CRAMP1: variants seen among roughly 807,000 people sequenced by gnomAD.
The protein encoded by CRAMP1 is cramped chromatin regulator 1.
CRAMP1 carries 50 observed loss-of-function variants against 115.4 expected under a neutral mutation model. The observed-to-expected ratio is 0.43, with a 90% CI of 0.35 to 0.55. The LOEUF is 0.55. Among genes scored for constraint, CRAMP1 ranks in the 20% least tolerant of loss-of-function variants. The pLI, the probability that CRAMP1 is intolerant of heterozygous loss-of-function variation, is 0.01. For missense variants in CRAMP1, 1,679 were observed against 1,721.7 expected, an observed-to-expected ratio of 0.98 and a Z score of 0.44; for synonymous variants, 866 against 745.4, an observed-to-expected ratio of 1.16 and a Z score of -2.64.
intron 10 of CRAMP1, among the ~76,000 whole-genome samples, chr16:1,659,111 T>G (rs929932360): frequency 6.6e-6 from 1 of 152,202 alleles, no homozygotes; most frequent in Non-Finnish European, 1.5e-5. Context: ...TCTTCAGCTG[T>G]GCTTGTGTCT....
At chr16:1,621,161 G>C (rs950595454) in intron 2 of CRAMP1, among the ~76,000 whole-genome samples, 1 of 152,188 alleles carries the variant, frequency 6.6e-6, no homozygotes, top group African/African-American at 2.4e-5. Flanking sequence ...GAAAGATATG[G>C]ATACTTTTTC....
Position 1,656,181 on chromosome 16 carries a change from G to A in CRAMP1, c.1424G>A (p.Arg475Gln), listed in dbSNP as rs1261839673. The change falls in exon 10 of 21, where the codon CGG (arginine) becomes CAG (glutamine). Residue 475 changes from arginine to glutamine, a missense_variant. Transcript: ENST00000397412. The surrounding 1 kb of genome is among the most constrained non-coding windows in gnomAD (Gnocchi z 5.6). ...GGAGCTGAGGGCAAGGGTGTGGGGCGGCCCCCTCCTGCGGCTGACGCCTTG... is the reference window on the plus strand; with the variant it reads ...GGAGCTGAGGGCAAGGGTGTGGGGCAGCCCCCTCCTGCGGCTGACGCCTTG... The part of the protein sequence containing the change: ...RSGAEGKGVG[R>Q]PPPAADALQS... 2.5e-6 allele frequency: 4 copies of A among 1,602,336 alleles called. No individual in the cohort carries two copies. The highest frequency in any genetic ancestry group is 1.1e-5 in the South Asian group (1 of 90,612).
intron 1 of CRAMP1, among the ~76,000 whole-genome samples, 74 bp downstream of exon 1, chr16:1,612,731 C>T (rs1274093978): frequency 6.6e-6 from 1 of 151,478 alleles, no homozygotes; most frequent in East Asian, 2.0e-4. Context: ...CGCGGGAGAG[C>T]GCGGGGGGGG....
intron 13 of CRAMP1, 118 bp downstream of exon 13, chr16:1,662,953 T>C: frequency 2.8e-6 from 2 of 722,686 alleles, no homozygotes; most frequent in South Asian, 1.8e-5. Flanking sequence ...TGCCCCTTCC[T>C]TCCCTCTTGT....
chr16:1,663,368 A>T (rs2036848875), intron 13 of CRAMP1, among the ~76,000 whole-genome samples: 1 of 152,180 alleles, frequency 6.6e-6, no homozygotes, highest in African/African-American at 2.4e-5. Context: ...GTTATTTTGG[A>T]TTCATGCACA....
At chr16:1,661,573 C>T (rs1390639523) in intron 11 of CRAMP1, among the ~76,000 whole-genome samples, 2 of 151,220 alleles carry the variant, frequency 1.3e-5, no homozygotes, top group African/African-American at 2.4e-5. Context: ...TGAGAGGGGG[C>T]CAGTCCCTAC....
chr16:1,677,499 C>T lies in CRAMP1; in HGVS notation c.*3454C>T, dbSNP rs1458755914. 1 of 152,508 alleles carries T rather than the reference C, an allele frequency of 6.6e-6. No homozygotes were observed. Among genetic ancestry groups the T allele is most frequent in the Non-Finnish European group, 1.5e-5 (1 of 68,078 alleles). 9.4% of individuals were successfully genotyped at this position (152,508 alleles called of 1,614,324 possible). A position where few individuals can be genotyped will look rare whatever the true frequency, so the allele number is the denominator to read the frequency against. On this transcript the variant is annotated 3_prime_UTR_variant, in exon 21 of 21. Coordinates refer to ENST00000397412, the MANE Select transcript of CRAMP1 (RefSeq NM_020825.4). ...ATTTACAACGAAGGAAAAAAACCCACAGCACACCCTTCGCGGCTGTCAGCG... is the reference window on the plus strand; with the variant it reads ...ATTTACAACGAAGGAAAAAAACCCATAGCACACCCTTCGCGGCTGTCAGCG...
In CRAMP1 at chr16:1,668,548, G is replaced by C. The variant is rs906550382; in HGVS notation, c.3334+355G>C. On this transcript the variant is annotated intron_variant, in intron 18 of 20. Coordinates refer to ENST00000397412, the MANE Select transcript of CRAMP1 (RefSeq NM_020825.4). ...TTGTGAAGCAGTTGGGCTGGGCCCTGTGGGCTTTGGTCTCACCTGCTGTCT... is the reference window on the plus strand; with the variant it reads ...TTGTGAAGCAGTTGGGCTGGGCCCTCTGGGCTTTGGTCTCACCTGCTGTCT... Among the ~76,000 whole-genome samples the C allele has an allele frequency of 7.9e-5, 12 of 152,224 alleles. 1 individual carries two copies. Among genetic ancestry groups the C allele is most frequent in the African/African-American group, 1.7e-4 (7 of 41,458 alleles).
chr16:1,635,536 C>T (rs368079310), intron 4 of CRAMP1, among the ~76,000 whole-genome samples: 109 of 152,326 alleles, frequency 7.2e-4, no homozygotes, highest in African/African-American at 2.3e-3. Flanking sequence ...GGACACCTCC[C>T]GGAAGCCCTG....
At chr16:1,646,667 GAAGTC>G (rs1394154087) in intron 6 of CRAMP1, among the ~76,000 whole-genome samples, 1 of 152,210 alleles carries the variant, frequency 6.6e-6, no homozygotes, top group Non-Finnish European at 1.5e-5. Context: ...TCGCTTTGAT[GAAGTC>G]AAGTCTGTCA....
chr16:1,668,744 G>T (rs966992668), intron 18 of CRAMP1, among the ~76,000 whole-genome samples: 1 of 152,192 alleles, frequency 6.6e-6, no homozygotes, highest in African/African-American at 2.4e-5. Flanking sequence ...AGCTCCTAGG[G>T]CTGCTGTGGG....
intron 17 of CRAMP1, 153 bp downstream of exon 17, chr16:1,667,553 A>T: frequency 1.5e-6 from 1 of 663,564 alleles, no homozygotes; most frequent in Non-Finnish European, 2.7e-6. Context: ...CCGACTGCCC[A>T]GGGTGGATAA....
chr16:1,643,948 T>C (rs1048018786), intron 6 of CRAMP1, among the ~76,000 whole-genome samples: 4 of 152,228 alleles, frequency 2.6e-5, no homozygotes, highest in Non-Finnish European at 2.9e-5. Context: ...ATGGCAAGAT[T>C]GATTGTCCTT....
chr16:1,640,513 T>A (rs1010171288), intron 5 of CRAMP1, among the ~76,000 whole-genome samples: 1 of 152,230 alleles, frequency 6.6e-6, no homozygotes, highest in African/African-American at 2.4e-5. Flanking sequence ...CAAAGAATTT[T>A]ACAGTGAACA....
At chr16:1,639,389 C>G (rs1377475884) in intron 5 of CRAMP1, among the ~76,000 whole-genome samples, 2 of 150,552 alleles carry the variant, frequency 1.3e-5, no homozygotes, top group South Asian at 2.1e-4. Context: ...AAGTTTCCCC[C>G]TCTAGAGGGG....
At chr16:1,635,278 A>G (rs1400628954) in intron 4 of CRAMP1, among the ~76,000 whole-genome samples, 2 of 152,108 alleles carry the variant, frequency 1.3e-5, no homozygotes, top group African/African-American at 4.8e-5. Context: ...TGAGACACAG[A>G]GTGGTGGCAA....
At chr16:1,635,239 CA>C (rs147741318) in intron 4 of CRAMP1, among the ~76,000 whole-genome samples, 2,497 of 152,258 alleles carry the variant, frequency 0.016, 70 homozygotes, top group African/African-American at 0.056. Flanking sequence ...TGCACTTTAT[CA>C]TGGGTTTGTC....
At chr16:1,612,732 G>T (rs889442087) in intron 1 of CRAMP1, among the ~76,000 whole-genome samples, 75 bp downstream of exon 1, 77 of 152,038 alleles carry the variant, frequency 5.1e-4, no homozygotes, top group African/African-American at 1.8e-3. Context: ...GCGGGAGAGC[G>T]CGGGGGGGGC....
chr16:1,651,388 A>G (rs529099937), intron 6 of CRAMP1, among the ~76,000 whole-genome samples: 1 of 151,188 alleles, frequency 6.6e-6, no homozygotes, highest in East Asian at 2.0e-4. Flanking sequence ...GTGGACTGAG[A>G]GGTCACGGAG....
Sources: allele counts gnomAD v4.1 joint callset (sites outside exome capture counted in the v4.1 genomes callset), GRCh38; gene constraint gnomAD v4.1.1; non-coding constraint Gnocchi (gnomAD v3.1); transcripts MANE v1.5; gene names NCBI Gene and HGNC (gene_info 2026-07-23, HGNC 2026-07-21).